SEC14L3: variants seen among roughly 807,000 people sequenced by gnomAD.
SEC14L3 encodes SEC14 like lipid binding 3.
Under a neutral mutation model 57.4 loss-of-function variants are expected in SEC14L3, and 56 were observed. That is an observed-to-expected ratio of 0.97 (90% CI 0.79 to 1.22). The LOEUF (loss-of-function observed/expected upper bound fraction) is 1.22, where lower values mean the gene tolerates loss of function less well. SEC14L3 is among the 50% of genes most tolerant of loss of function. The probability of loss-of-function intolerance (pLI) is 0.00; values close to 1 mark genes in which losing one functional copy is unlikely to be tolerated. For synonymous variants in SEC14L3, 173 were observed against 194.4 expected, an observed-to-expected ratio of 0.89 and a Z score of 0.92; for missense variants, 485 against 511.7, an observed-to-expected ratio of 0.95 and a Z score of 0.50.
chr22:30,464,924 A>T, intron 7 of SEC14L3, 21 bp from the exon 8 acceptor site: 1 of 1,613,810 alleles, frequency 6.2e-7, no homozygotes, highest in Non-Finnish European at 8.5e-7. Flanking sequence ...AGAAGTAAGG[A>T]TAATGGGAAG....
intron 3 of SEC14L3, 27 bp from the exon 4 acceptor site, chr22:30,470,105 C>T: frequency 1.2e-6 from 2 of 1,607,732 alleles, no homozygotes; most frequent in Non-Finnish European, 1.7e-6. Flanking sequence ...TGGTAAGATC[C>T]CACTGGGCTC....
chr22:30,459,584 C>T lies in SEC14L3; in HGVS notation c.*437G>A. The T allele has an allele frequency of 1.0e-6, 1 of 988,852 alleles. No individual in the cohort carries two copies. The allele number at this position is 988,852 out of a possible 1,614,324, so 61.3% of individuals were successfully genotyped here. A position where few individuals can be genotyped will look rare whatever the true frequency, so the allele number is the denominator to read the frequency against. ...GTCACCTGCACCCTACCTTCTGGTC[C>T]TCCATTCAATGCCACAAATATACAC... is the stretch of plus-strand genomic sequence containing the variant. On this transcript the variant is annotated 3_prime_UTR_variant, in exon 12 of 12. Transcript: ENST00000215812.
intron 4 of SEC14L3, among the ~76,000 whole-genome samples, chr22:30,469,461 G>T (rs935371348): frequency 6.6e-6 from 1 of 152,240 alleles, no homozygotes; most frequent in Non-Finnish European, 1.5e-5. Context: ...AAGTCCCTGA[G>T]ATAAAGTTGG....
chr22:30,467,548 C>T (rs1935461189), intron 5 of SEC14L3, among the ~76,000 whole-genome samples: 1 of 152,132 alleles, frequency 6.6e-6, no homozygotes, highest in Non-Finnish European at 1.5e-5. Context: ...GACAAGCAAC[C>T]AGGTCATTTG....
intron 1 of SEC14L3, 151 bp downstream of exon 1, chr22:30,471,754 C>A (rs970580756): frequency 1.8e-6 from 2 of 1,102,292 alleles, no homozygotes; most frequent in Non-Finnish European, 1.3e-6. Context: ...TACTGGGCAC[C>A]GTGGGGCTTG....
At chr22:30,455,718 C>T (rs527277669), downstream of SEC14L3, among the ~76,000 whole-genome samples, 16 of 152,062 alleles carry the variant, frequency 1.1e-4, no homozygotes, top group African/African-American at 3.9e-4. Flanking sequence ...TGTTGCCCAC[C>T]GGTGTCCCTG....
rs1569229707 is a variant in SEC14L3, at chr22:30,464,801, T to C, written c.664+19A>G. Reference sequence around the variant, plus strand: ...AAGGTCATGTATAGAGGTCAGGAAATTGAGCTGGCACTACTTACTTCCCAA... The same window carrying C: ...AAGGTCATGTATAGAGGTCAGGAAACTGAGCTGGCACTACTTACTTCCCAA... On this transcript the variant is annotated intron_variant, in intron 8 of 11. Transcript: ENST00000215812. 1.2e-6 allele frequency: 2 copies of C among 1,613,210 alleles called. No individual in the cohort carries two copies. Among genetic ancestry groups the C allele is most frequent in the Non-Finnish European group, 1.7e-6 (2 of 1,179,224 alleles).
chr22:30,463,016 T>G (rs565470745), intron 8 of SEC14L3, among the ~76,000 whole-genome samples: 1 of 152,166 alleles, frequency 6.6e-6, no homozygotes, highest in Admixed American at 6.5e-5. Flanking sequence ...ATTACAGGCA[T>G]GAGCCACCAC....
chr22:30,452,828 T>C (rs1170132761), intron 12 of SEC14L3, among the ~76,000 whole-genome samples: 2 of 150,438 alleles, frequency 1.3e-5, no homozygotes, highest in East Asian at 4.0e-4. Context: ...ATTCTCCCAC[T>C]TCAGCCTCCT....
intron 12 of SEC14L3, among the ~76,000 whole-genome samples, chr22:30,453,121 T>A (rs546420002): frequency 2.0e-5 from 3 of 152,286 alleles, no homozygotes; most frequent in Non-Finnish European, 4.4e-5. Context: ...TTCAGGTACC[T>A]CAACAGGATA....
chr22:30,471,830 G>C (rs1935621437), intron 1 of SEC14L3, 75 bp downstream of exon 1: 10 of 1,592,282 alleles, frequency 6.3e-6, no homozygotes, highest in Non-Finnish European at 8.6e-6. Context: ...AGTGGGGCAG[G>C]ATTCCAGCCA....
intron 8 of SEC14L3, among the ~76,000 whole-genome samples, chr22:30,462,925 C>T (rs146263866): frequency 1.6e-3 from 249 of 152,000 alleles, no homozygotes; most frequent in African/African-American, 4.7e-3. Context: ...TTAGTAGAGA[C>T]GGGGTTTCAC....
At chr22:30,457,873 C>T (rs1428267102), downstream of SEC14L3, among the ~76,000 whole-genome samples, 1 of 152,112 alleles carries the variant, frequency 6.6e-6, no homozygotes, top group Non-Finnish European at 1.5e-5. Context: ...AAGGGGCAGC[C>T]TTAGCTCCAG....
At chr22:30,452,720 T>TC (rs983788957) in intron 12 of SEC14L3, among the ~76,000 whole-genome samples, 9 of 145,406 alleles carry the variant, frequency 6.2e-5, no homozygotes, top group South Asian at 4.3e-4. Flanking sequence ...TTTCTTTCTT[T>TC]TTTTTTTTTT....
intron 8 of SEC14L3, among the ~76,000 whole-genome samples, chr22:30,464,284 C>G (rs1935350391): frequency 6.6e-6 from 1 of 152,208 alleles, no homozygotes; most frequent in Non-Finnish European, 1.5e-5. Flanking sequence ...CAGAAATTGA[C>G]TGCAACCAAA....
intron 1 of SEC14L3, 91 bp from the exon 2 acceptor site, chr22:30,470,673 C>G (rs752959088): frequency 1.0e-5 from 16 of 1,580,566 alleles, no homozygotes; most frequent in Non-Finnish European, 1.4e-5. Context: ...CTCCTTTCCT[C>G]CCACATGCAA....
rs541421201 is a variant in SEC14L3, at chr22:30,459,388, G to T, written c.*633C>A. The T allele has an allele frequency of 1.0e-6, 1 of 985,448 alleles. No homozygotes were observed. Among genetic ancestry groups the T allele is most frequent in the East Asian group, 1.1e-4 (1 of 8,814 alleles). The allele number at this position is 985,448 out of a possible 1,614,324, so 61.0% of individuals were successfully genotyped here. Reference sequence around the variant, plus strand: ...CCTGATGTAGGCAGCTCCTATCAGAGGCATGTGGCCTTTGTGGCTGGGGCC... The same window carrying T: ...CCTGATGTAGGCAGCTCCTATCAGATGCATGTGGCCTTTGTGGCTGGGGCC... On this transcript the variant is annotated 3_prime_UTR_variant, in exon 12 of 12. Transcript: ENST00000215812.
At chr22:30,454,742 A>G (rs1935060123), downstream of SEC14L3, among the ~76,000 whole-genome samples, 4 of 69,608 alleles carry the variant, frequency 5.7e-5, no homozygotes, top group African/African-American at 2.4e-4. Flanking sequence ...ATATATAATA[A>G]TATTATTATA....
intron 8 of SEC14L3, among the ~76,000 whole-genome samples, chr22:30,462,515 T>C (rs1171795985): frequency 2.0e-5 from 3 of 152,162 alleles, no homozygotes; most frequent in Non-Finnish European, 4.4e-5. Context: ...CAAGTGATCC[T>C]CCCACCTCAG....
Sources: allele counts gnomAD v4.1 joint callset (sites outside exome capture counted in the v4.1 genomes callset), GRCh38; gene constraint gnomAD v4.1.1; transcripts MANE v1.5; gene names NCBI Gene and HGNC (gene_info 2026-07-23, HGNC 2026-07-21).